EMILIN2: variants seen among roughly 807,000 people sequenced by gnomAD.
EMILIN2 encodes the protein EMILIN-2.
EMILIN2 carries 71 observed loss-of-function variants against 87.1 expected under a neutral mutation model. The observed-to-expected ratio is 0.82, with a 90% CI of 0.67 to 0.99. EMILIN2 has a LOEUF of 0.99. EMILIN2 is among the 50% of genes least tolerant of loss of function. The pLI is 0.00. For missense variants in EMILIN2, 1,407 were observed against 1,371.8 expected (o/e 1.03, Z -0.40); for synonymous variants, 581 against 563.4 (o/e 1.03, Z -0.44).
chr18:2,847,185 C>G lies in EMILIN2; in HGVS notation c.-4C>G, dbSNP rs2076578905. On this transcript the variant is annotated 5_prime_UTR_variant, in exon 1 of 8. Transcript: ENST00000254528. This position sits in a 1 kb window ranked among gnomAD's most constrained non-coding sequence, Gnocchi z 4.5. ...GCAGGCGGGGCGCGCCCGCTGCGCG[C>G]GGGATGTGGCAGCCCAGACGGCCCT... 3 of 1,137,292 alleles carry G rather than the reference C, an allele frequency of 2.6e-6. No homozygotes were observed. In the East Asian group the frequency reaches 1.5e-4, roughly 57 times the overall value. 70.5% of individuals were successfully genotyped at this position (1,137,292 alleles called of 1,614,324 possible).
At chr18:2,888,817 G>C (rs539637430) in intron 3 of EMILIN2, among the ~76,000 whole-genome samples, 2 of 151,720 alleles carry the variant, frequency 1.3e-5, no homozygotes, top group Non-Finnish European at 2.9e-5. Context: ...TTGGGGATTT[G>C]GATATCTGAA....
chr18:2,911,195 C>T (rs1330432984), intron 7 of EMILIN2, among the ~76,000 whole-genome samples: 1 of 152,200 alleles, frequency 6.6e-6, no homozygotes, highest in African/African-American at 2.4e-5. Context: ...GACTTGGGGT[C>T]TTATACATTG....
At chr18:2,903,578 C>T (rs1393579222) in intron 4 of EMILIN2, among the ~76,000 whole-genome samples, 1 of 152,140 alleles carries the variant, frequency 6.6e-6, no homozygotes, top group Non-Finnish European at 1.5e-5. Context: ...AGTTATCCTA[C>T]AGTCAATATG....
intron 2 of EMILIN2, among the ~76,000 whole-genome samples, chr18:2,870,034 T>A (rs1252620856): frequency 6.6e-6 from 1 of 151,704 alleles, no homozygotes; most frequent in Non-Finnish European, 1.5e-5. Context: ...TGGGCTCAGG[T>A]GTTAGAGACC....
At chr18:2,854,366 A>G (rs549224107) in intron 2 of EMILIN2, among the ~76,000 whole-genome samples, 1 of 152,152 alleles carries the variant, frequency 6.6e-6, no homozygotes, top group Non-Finnish European at 1.5e-5. Context: ...GCAGGTGTTG[A>G]GTTCCGTGGA....
chr18:2,909,409 C>T (rs548779981), intron 6 of EMILIN2, among the ~76,000 whole-genome samples: 22 of 152,002 alleles, frequency 1.4e-4, no homozygotes, highest in African/African-American at 3.4e-4. Context: ...CACACTCACA[C>T]GCACATACAC....
At chr18:2,883,965 A>AT (rs961899256) in intron 2 of EMILIN2, among the ~76,000 whole-genome samples, 2 of 151,534 alleles carry the variant, frequency 1.3e-5, no homozygotes, top group South Asian at 2.1e-4. Context: ...CTTTCTTTTT[A>AT]TTTTTTTTGA....
At chr18:2,850,022 GT>G (rs2143944783) in intron 2 of EMILIN2, among the ~76,000 whole-genome samples, 1 of 151,868 alleles carries the variant, frequency 6.6e-6, no homozygotes, top group Non-Finnish European at 1.5e-5. Context: ...TGCCTCCTGG[GT>G]TCAAGCAACT....
At chr18:2,898,197 T>TA (rs1568480461) in intron 4 of EMILIN2, among the ~76,000 whole-genome samples, 1 of 152,224 alleles carries the variant, frequency 6.6e-6, no homozygotes, top group East Asian at 1.9e-4. Flanking sequence ...CATAGGGAAT[T>TA]ACTCACAGGT....
chr18:2,865,642 G>T (rs959774250), intron 2 of EMILIN2, among the ~76,000 whole-genome samples: 4 of 152,202 alleles, frequency 2.6e-5, no homozygotes, highest in Non-Finnish European at 5.9e-5. Context: ...CTCCCAGTTA[G>T]GCTACTCAGG....
At chr18:2,858,553 A>ATG (rs1568454015) in intron 2 of EMILIN2, among the ~76,000 whole-genome samples, 1 of 50,054 alleles carries the variant, frequency 2.0e-5, no homozygotes, top group African/African-American at 1.4e-4. Flanking sequence ...ATATATATAT[A>ATG]TATATATATA....
chr18:2,896,969 C>T (rs901120989), intron 4 of EMILIN2, among the ~76,000 whole-genome samples: 1 of 151,818 alleles, frequency 6.6e-6, no homozygotes, highest in Non-Finnish European at 1.5e-5. Context: ...AGTCCCTGTC[C>T]CTACAAAAAA....
rs989510439 is a variant in EMILIN2 at position 2,908,338 on chromosome 18, A to G, written c.2663-605A>G. 2.6e-5 allele frequency among the ~76,000 whole-genome samples: 4 copies of G among 151,978 alleles called. No homozygotes were observed. In the East Asian group the frequency reaches 7.7e-4, roughly 29 times the overall value. On this transcript the variant is annotated intron_variant, in intron 5 of 7. Transcript: ENST00000254528. The stretch of plus-strand genomic sequence containing the variant: ...TGTATCCGTGTATCCACCCATCGAT[A>G]CATCCATCCACCCACATATGCATCC...
chr18:2,908,641 C>T (rs1225751339), intron 5 of EMILIN2, among the ~76,000 whole-genome samples: 1 of 152,196 alleles, frequency 6.6e-6, no homozygotes, highest in East Asian at 1.9e-4. Context: ...GTGACTCTCT[C>T]AGTCACAGAG....
At chr18:2,868,063 G>C (rs1399801329) in intron 2 of EMILIN2, among the ~76,000 whole-genome samples, 1 of 152,078 alleles carries the variant, frequency 6.6e-6, no homozygotes, top group Non-Finnish European at 1.5e-5. Context: ...CTGCTGGACG[G>C]GGCTCCTCAC....
At chr18:2,864,913 T>C (rs2076678961) in intron 2 of EMILIN2, among the ~76,000 whole-genome samples, 1 of 152,202 alleles carries the variant, frequency 6.6e-6, no homozygotes, top group African/African-American at 2.4e-5. Flanking sequence ...GCTTTGTTCG[T>C]TTCTTTTTAT....
chr18:2,903,840 AT>A (rs1305573341), intron 4 of EMILIN2, among the ~76,000 whole-genome samples: 1 of 151,950 alleles, frequency 6.6e-6, no homozygotes, highest in Non-Finnish European at 1.5e-5. Context: ...TGGACTGGTT[AT>A]TTTCTAGACT....
intron 2 of EMILIN2, among the ~76,000 whole-genome samples, chr18:2,851,768 T>C (rs1012164687): frequency 1.3e-5 from 2 of 152,218 alleles, no homozygotes; most frequent in Admixed American, 1.3e-4. Flanking sequence ...AAGTGGGCAT[T>C]TTAAGTAATC....
At position 2,890,770 on chromosome 18, in the gene EMILIN2, G is replaced by A. The variant is rs16943977; in HGVS notation, c.643G>A (p.Ala215Thr). 5,489 of 1,613,752 alleles carry A rather than the reference G, an allele frequency of 3.4e-3. 173 individuals are homozygous for A. In the African/African-American group the frequency reaches 0.065, roughly 19 times the overall value. The change falls in exon 4 of 8, where the codon GCC becomes ACC. Residue 215 changes from alanine (A) to threonine (T), a missense_variant. Physicochemically the swap from Ala to Thr is moderately conservative, Grantham distance 58 (BLOSUM62 0). Coordinates refer to ENST00000254528, the MANE Select transcript of EMILIN2 (RefSeq NM_032048.3). The surrounding 1 kb of genome is among the most constrained non-coding windows in gnomAD (Gnocchi z 4.7). Reference sequence around the variant, plus strand: ...TGGAGTGAGTGAAAATCTCAAACATGCCACTCAGGATGATGCCAGTAGAAC... The same window carrying A: ...TGGAGTGAGTGAAAATCTCAAACATACCACTCAGGATGATGCCAGTAGAAC... ...LAGVSENLKH[A>T]TQDDASRTRA... is the part of the protein sequence containing the mutation.
Sources: allele counts gnomAD v4.1 joint callset (sites outside exome capture counted in the v4.1 genomes callset), GRCh38; gene constraint gnomAD v4.1.1; non-coding constraint Gnocchi (gnomAD v3.1); transcripts MANE v1.5; gene names NCBI Gene and HGNC (gene_info 2026-07-23, HGNC 2026-07-21).